WNT8A: variants seen among roughly 807,000 people sequenced by gnomAD.
WNT8A encodes Wnt family member 8A.
WNT8A carries 14 observed loss-of-function variants against 20.5 expected under a neutral mutation model. The ratio of observed to expected loss-of-function variants is 0.68; its 90% CI spans 0.45 to 1.07. WNT8A has a LOEUF of 1.07. Ranked by LOEUF, WNT8A falls within the 50% of genes least tolerant of loss-of-function variation. The pLI, the probability that WNT8A is intolerant of heterozygous loss-of-function variation, is 0.00. For synonymous variants in WNT8A, 167 were observed against 169.2 expected (o/e 0.99, Z 0.10); for missense variants, 397 against 462.9 (o/e 0.86, Z 1.31).
the WNT8A span, among the ~76,000 whole-genome samples, chr5:138,078,791 G>A: frequency 2.0e-5 from 3 of 152,212 alleles, no homozygotes; most frequent in African/African-American, 7.2e-5. Flanking sequence ...AAGGTTCCAC[G>A]AATGGCCTCT....
At chr5:138,085,243 T>G (rs539616947) in intron 2 of WNT8A, among the ~76,000 whole-genome samples, 2 of 152,366 alleles carry the variant, frequency 1.3e-5, no homozygotes, top group East Asian at 3.9e-4. Flanking sequence ...CGGAAATTAC[T>G]CTATTTTTTA....
intron 2 of WNT8A, 143 bp downstream of exon 2, chr5:138,084,779 T>G: frequency 1.7e-6 from 2 of 1,191,690 alleles, no homozygotes; most frequent in Non-Finnish European, 2.2e-6. Context: ...TTCCTTGCTG[T>G]GTGGCCTTGA....
upstream of WNT8A, among the ~76,000 whole-genome samples, chr5:138,080,579 A>G (rs575975760): frequency 6.7e-6 from 1 of 149,200 alleles, no homozygotes; most frequent in East Asian, 2.1e-4. Context: ...AAGTGCTGGG[A>G]TTACAGAATT....
At chr5:138,087,455 C>A (rs1320423520) in intron 2 of WNT8A, among the ~76,000 whole-genome samples, 1 of 151,832 alleles carries the variant, frequency 6.6e-6, no homozygotes, top group South Asian at 2.1e-4. Flanking sequence ...GAGATCGAGA[C>A]CATCCTGGTC....
In WNT8A at chr5:138,088,968, G is replaced by C; in HGVS notation, c.463G>C (p.Glu155Gln). 6.2e-7 allele frequency: 1 copy of C among 1,614,038 alleles called. No homozygotes were observed. Residue 155 changes from glutamate (E) to glutamine (Q), a missense_variant, in exon 4 of 5, where the codon GAA becomes CAA. Physicochemically the swap from Glu to Gln is conservative, Grantham distance 29 (BLOSUM62 2). Transcript: ENST00000506684. ...WIWGGCSDNV[E>Q]FGERISKLFV... ...CTGGGGAGGCTGCAGCGACAATGTG[G>C]AATTTGGGGAAAGGATCTCCAAACT...
intron 2 of WNT8A, 52 bp from the exon 3 acceptor site, chr5:138,087,754 T>G: frequency 6.3e-7 from 1 of 1,596,330 alleles, no homozygotes; most frequent in South Asian, 1.1e-5. Context: ...AAGCCTCTGC[T>G]TTGGGTAATC....
At chr5:138,091,979 A>G (rs975162980), downstream of WNT8A, 4 of 152,216 alleles carry the variant, frequency 2.6e-5, no homozygotes, top group African/African-American at 7.2e-5. Context: ...CTCTGGAGCC[A>G]TGGAAAGGCA....
At chr5:138,089,180 T>C (rs1750769740) in intron 4 of WNT8A, 111 bp downstream of exon 4, 1 of 1,442,712 alleles carries the variant, frequency 6.9e-7, no homozygotes, top group East Asian at 2.3e-5. Flanking sequence ...CCAGCCAGAT[T>C]GAGATGGCTA....
chr5:138,084,705 T>G, intron 2 of WNT8A, 69 bp downstream of exon 2: 1 of 1,509,680 alleles, frequency 6.6e-7, no homozygotes, highest in East Asian at 2.3e-5. Context: ...GCAGTATGTG[T>G]ATATGTGTGA....
Position 138,091,267 on chromosome 5 carries a change from C to A in WNT8A, c.*194C>A. On this transcript the variant is annotated 3_prime_UTR_variant, in exon 5 of 5. Transcript: ENST00000506684. ...ATTCCTGGCGGGGCTGAAATTGGAA[C>A]CTGGGCCTCCTGACTTTGGCAGACC... The A allele has an allele frequency of 2.5e-6, 4 of 1,570,052 alleles. No individual in the cohort carries two copies. In the Admixed American group the frequency reaches 6.9e-5, roughly 27 times the overall value.
chr5:138,092,312 A>C (rs1471624501), downstream of WNT8A: 6 of 152,260 alleles, frequency 3.9e-5, no homozygotes, highest in African/African-American at 1.4e-4. Flanking sequence ...ACTGGTCAAC[A>C]GGAAAACAAT....
chr5:138,089,147 T>C (rs1726140320), intron 4 of WNT8A, 78 bp downstream of exon 4: 3 of 1,536,888 alleles, frequency 2.0e-6, no homozygotes, highest in African/African-American at 1.4e-5. Context: ...AGAGCTGTCT[T>C]ATACGTTCTT....
chr5:138,087,752 G>A, intron 2 of WNT8A, 54 bp from the exon 3 acceptor site: 1 of 1,591,902 alleles, frequency 6.3e-7, no homozygotes. Flanking sequence ...CAAAGCCTCT[G>A]CTTTGGGTAA....
At chr5:138,088,062 T>C in intron 3 of WNT8A, 131 bp downstream of exon 3, 1 of 1,348,444 alleles carries the variant, frequency 7.4e-7, no homozygotes, top group Non-Finnish European at 1.0e-6. Context: ...ACTCCTTCAA[T>C]TGTAGGATCT....
At chr5:138,083,273 ACT>A (rs1434250743), upstream of WNT8A, among the ~76,000 whole-genome samples, 6 of 91,566 alleles carry the variant, frequency 6.6e-5, no homozygotes, top group South Asian at 4.3e-4. Flanking sequence ...AGAGCGAGAG[ACT>A]CTGTCTCAAA....
At chr5:138,081,702 G>T (rs939262965), upstream of WNT8A, among the ~76,000 whole-genome samples, 6 of 152,012 alleles carry the variant, frequency 3.9e-5, no homozygotes, top group African/African-American at 1.5e-4. Flanking sequence ...CTTGCGGGGG[G>T]CTGGGAGGCA....
At chr5:138,085,723 A>T (rs562779167) in intron 2 of WNT8A, among the ~76,000 whole-genome samples, 1 of 151,882 alleles carries the variant, frequency 6.6e-6, no homozygotes, top group Non-Finnish European at 1.5e-5. Flanking sequence ...GCATGGTAGC[A>T]TGTGCCTGTA....
intron 2 of WNT8A, among the ~76,000 whole-genome samples, 171 bp downstream of exon 2, chr5:138,084,807 T>G (rs1750608127): frequency 6.6e-6 from 1 of 152,224 alleles, no homozygotes; most frequent in South Asian, 2.1e-4. Flanking sequence ...ACCTACCCTC[T>G]CTCAGCCCCA....
upstream of WNT8A, among the ~76,000 whole-genome samples, chr5:138,080,444 G>GTTTTTTTGTTTTTTTT (rs750585385): frequency 1.2e-3 from 65 of 56,000 alleles, no homozygotes; most frequent in Non-Finnish European, 1.3e-3. Flanking sequence ...TGTAAATCTT[G>GTTTTTTTGTTTTTTTT]TTTTTTTTTT....
Sources: allele counts gnomAD v4.1 joint callset (sites outside exome capture counted in the v4.1 genomes callset), GRCh38; gene constraint gnomAD v4.1.1; transcripts MANE v1.5; gene names NCBI Gene and HGNC (gene_info 2026-07-23, HGNC 2026-07-21).